Variants in RASEF observed in about 807,000 individuals in gnomAD.
RASEF encodes ras and EF-hand domain-containing protein.
RASEF carries 68 observed loss-of-function variants against 90.1 expected under a neutral mutation model. The ratio of observed to expected loss-of-function variants is 0.75; its 90% confidence interval spans 0.62 to 0.92. RASEF has a LOEUF of 0.92. RASEF is among the 40% of genes least tolerant of loss of function. The pLI, the probability that RASEF is intolerant of heterozygous loss-of-function variation, is 0.00. For missense variants in RASEF, 949 were observed against 937.2 expected, an observed-to-expected ratio of 1.01 and a Z score of -0.16; for synonymous variants, 331 against 345.2, an observed-to-expected ratio of 0.96 and a Z score of 0.46.
the RASEF span, among the ~76,000 whole-genome samples, chr9:83,123,871 A>G: frequency 6.6e-6 from 1 of 152,248 alleles, no homozygotes; most frequent in African/African-American, 2.4e-5. Flanking sequence ...CATTAAGTGC[A>G]ATCACACTGT....
chr9:83,161,170 C>T, the RASEF span, among the ~76,000 whole-genome samples: 3 of 152,186 alleles, frequency 2.0e-5, no homozygotes, highest in African/African-American at 7.2e-5. Context: ...GTCCTCCAGA[C>T]CCCAGAATGG....
At chr9:83,173,420 A>G in the RASEF span, among the ~76,000 whole-genome samples, 20 of 151,532 alleles carry the variant, frequency 1.3e-4, no homozygotes, top group East Asian at 3.7e-3. Flanking sequence ...AATGTACTTT[A>G]TTCTTTTTCA....
chr9:83,108,159 T>C, the RASEF span, among the ~76,000 whole-genome samples: 1 of 152,150 alleles, frequency 6.6e-6, no homozygotes, highest in Non-Finnish European at 1.5e-5. Flanking sequence ...GGGTAGTGTT[T>C]ACATGGGTGT....
the RASEF span, among the ~76,000 whole-genome samples, chr9:83,211,187 T>C: frequency 6.8e-4 from 104 of 152,348 alleles, no homozygotes; most frequent in African/African-American, 2.1e-3. Context: ...AGATCCTCAG[T>C]CTTTCCTTGA....
chr9:83,092,003 C>CTTTTTTTTTTTTTTTTTT, the RASEF span, among the ~76,000 whole-genome samples: 117 of 35,820 alleles, frequency 3.3e-3, 3 homozygotes, highest in African/African-American at 3.6e-3. Flanking sequence ...TCTTTTATTT[C>CTTTTTTTTTTTTTTTTTT]TTTTTTTTTT....
At chr9:83,007,257 G>T (rs957499561) in intron 7 of RASEF, among the ~76,000 whole-genome samples, 180 bp downstream of exon 7, 3 of 152,072 alleles carry the variant, frequency 2.0e-5, no homozygotes, top group African/African-American at 7.2e-5. Context: ...AATTTATTTA[G>T]GATTATAAGC....
chr9:83,039,431 A>C (rs1396467295), intron 1 of RASEF, among the ~76,000 whole-genome samples: 1 of 152,140 alleles, frequency 6.6e-6, no homozygotes, highest in Non-Finnish European at 1.5e-5. Context: ...GCTCAACGTG[A>C]ACTGATGTGG....
chr9:83,008,066 A>G (rs1829166062), intron 6 of RASEF, among the ~76,000 whole-genome samples: 1 of 151,894 alleles, frequency 6.6e-6, no homozygotes, highest in African/African-American at 2.4e-5. Context: ...CTCGTGAGAC[A>G]CTCATTCTGT....
chr9:83,088,467 C>G, the RASEF span, among the ~76,000 whole-genome samples: 1 of 151,810 alleles, frequency 6.6e-6, no homozygotes, highest in African/African-American at 2.4e-5. Flanking sequence ...TCTTCTGTTA[C>G]CTTGCTGATC....
At chr9:83,105,229 GA>G in the RASEF span, among the ~76,000 whole-genome samples, 2 of 152,078 alleles carry the variant, frequency 1.3e-5, no homozygotes, top group Non-Finnish European at 1.5e-5. Flanking sequence ...TGAAATGTTT[GA>G]AATATCTGCT....
the RASEF span, among the ~76,000 whole-genome samples, chr9:83,116,002 T>G: frequency 1.3e-5 from 2 of 152,182 alleles, no homozygotes; most frequent in Non-Finnish European, 2.9e-5. Context: ...ATGCCTTTTT[T>G]GAACCAAAGC....
the RASEF span, among the ~76,000 whole-genome samples, chr9:83,137,035 GA>G: frequency 2.0e-5 from 3 of 151,978 alleles, no homozygotes; most frequent in Non-Finnish European, 4.4e-5. Flanking sequence ...AATTGGGTGA[GA>G]TTTTTATATG....
At chr9:83,206,878 G>A in the RASEF span, among the ~76,000 whole-genome samples, 1 of 152,106 alleles carries the variant, frequency 6.6e-6, no homozygotes, top group African/African-American at 2.4e-5. Context: ...TCTCCTTGGG[G>A]ATGGGCGCTC....
At position 83,005,481 on chromosome 9, in the gene RASEF, G is replaced by T. The variant is rs114161259; in HGVS notation, c.1048C>A (p.His350Asn). 1 of 1,613,738 alleles carries T rather than the reference G, an allele frequency of 6.2e-7. No individual in the cohort carries two copies. Among genetic ancestry groups the T allele is most frequent in the Admixed American group, 1.7e-5 (1 of 60,014 alleles). Residue 350 changes from histidine to asparagine, a missense_variant, in exon 8 of 17, where the codon CAT (histidine) becomes AAT (asparagine). By Grantham distance (68) the His-to-Asn change is moderately conservative. Coordinates refer to ENST00000376447, the MANE Select transcript of RASEF (RefSeq NM_152573.4). ...EILQTANRKL[H>N]DSNDGLRSAL... ...CTTCTAAGGCCATCATTACTGTCAT[G>T]TAGCTTCCGGTTAGCTGTTCTGCAG...
At chr9:83,176,166 T>G in the RASEF span, among the ~76,000 whole-genome samples, 4 of 152,320 alleles carry the variant, frequency 2.6e-5, no homozygotes, top group East Asian at 7.7e-4. Flanking sequence ...GGATTCTCCT[T>G]TATGCATTTG....
the RASEF span, among the ~76,000 whole-genome samples, chr9:83,206,234 C>T: frequency 2.0e-5 from 3 of 152,030 alleles, no homozygotes; most frequent in East Asian, 1.9e-4. Context: ...AATATTTTTT[C>T]GTTAAGATCT....
At chr9:83,147,770 CAGG>C in the RASEF span, among the ~76,000 whole-genome samples, 1 of 152,020 alleles carries the variant, frequency 6.6e-6, no homozygotes, top group South Asian at 2.1e-4. Flanking sequence ...ACGGTTAATT[CAGG>C]AGGTTTTATT....
chr9:83,133,516 G>A, the RASEF span, among the ~76,000 whole-genome samples: 16 of 142,744 alleles, frequency 1.1e-4, no homozygotes, highest in South Asian at 2.5e-3. Context: ...ATATGAATAC[G>A]TCGAATGATC....
chr9:83,144,326 G>GGAAAGAAAGAAAGAAA, the RASEF span, among the ~76,000 whole-genome samples: 17 of 39,482 alleles, frequency 4.3e-4, no homozygotes, highest in East Asian at 6.8e-4. Flanking sequence ...AAAGAAAGAA[G>GGAAAGAAAGAAAGAAA]GAAAGAAAGA....
Sources: allele counts gnomAD v4.1 joint callset (sites outside exome capture counted in the v4.1 genomes callset), GRCh38; gene constraint gnomAD v4.1.1; transcripts MANE v1.5; gene names NCBI Gene and HGNC (gene_info 2026-07-23, HGNC 2026-07-21).